Variants in PCDH15 observed in about 807,000 individuals in gnomAD.
The protein encoded by PCDH15 is protocadherin-15.
In PCDH15, 129 loss-of-function variants were observed where a neutral mutation model predicts 178.5. The ratio of observed to expected loss-of-function variants is 0.72; its 90% CI spans 0.63 to 0.84. The LOEUF (loss-of-function observed/expected upper bound fraction) is 0.84, where lower values mean the gene tolerates loss of function less well. PCDH15 is among the 40% of genes least tolerant of loss of function. The probability of loss-of-function intolerance (pLI) is 0.00; values close to 1 mark genes in which losing one functional copy is unlikely to be tolerated. For synonymous variants in PCDH15, 800 were observed against 732.0 expected (o/e 1.09, Z -1.50); for missense variants, 2,230 against 2,099.9 (o/e 1.06, Z -1.21).
chr10:55,368,339 C>T (rs1845416687), intron 2 of PCDH15, among the ~76,000 whole-genome samples: 1 of 152,092 alleles, frequency 6.6e-6, no homozygotes, highest in Non-Finnish European at 1.5e-5. Flanking sequence ...AATGCATACA[C>T]TACAAATATA....
intron 2 of PCDH15, among the ~76,000 whole-genome samples, chr10:55,119,917 T>A (rs1022231276): frequency 6.6e-6 from 1 of 152,134 alleles, no homozygotes; most frequent in Non-Finnish European, 1.5e-5. Flanking sequence ...AGAATTTGGA[T>A]TATTTTTAAA....
intron 18 of PCDH15, among the ~76,000 whole-genome samples, chr10:54,062,254 A>AAAAAAAAAAAAAAAAAAAAAT (rs2094042183): frequency 9.5e-6 from 1 of 105,348 alleles, no homozygotes; most frequent in African/African-American, 3.4e-5. Flanking sequence ...AAAAAAAAAC[A>AAAAAAAAAAAAAAAAAAAAAT]AAAAACAACT....
At chr10:54,369,471 C>T (rs1387847260) in intron 4 of PCDH15, among the ~76,000 whole-genome samples, 196 bp from the exon 5 acceptor site, 1 of 151,818 alleles carries the variant, frequency 6.6e-6, no homozygotes, top group Non-Finnish European at 1.5e-5. Flanking sequence ...TGTATCTCAG[C>T]GTGTGGAATT....
intron 20 of PCDH15, among the ~76,000 whole-genome samples, chr10:54,015,536 C>T (rs1450563956): frequency 6.6e-6 from 1 of 152,116 alleles, no homozygotes; most frequent in Non-Finnish European, 1.5e-5. Context: ...CGGCATTGTC[C>T]TGGTACAAAA....
chr10:55,335,724 A>AT lies in PCDH15; in HGVS notation c.-155-169074dup, dbSNP rs557282297. On this transcript the variant is annotated intron_variant, in intron 2 of 5. Transcript: ENST00000613346. ...TTACCAAAGGAAATTATAAACTATG[A>AT]TTTTTTTTAATCTAAATCTAAAAAC... Among the ~76,000 whole-genome samples, 859 of 152,172 alleles carry AT rather than the reference A, an allele frequency of 5.6e-3. 10 individuals are homozygous for AT. The highest frequency in any genetic ancestry group is 0.02 in the African/African-American group (812 of 41,522).
chr10:54,873,487 A>T lies in PCDH15; in HGVS notation c.-29+23963T>A, dbSNP rs542435667. 1.3e-4 allele frequency among the ~76,000 whole-genome samples: 20 copies of T among 148,326 alleles called. No individual in the cohort carries two copies. The South Asian group carries it at 4.2e-3, about 31-fold the overall frequency. Reference sequence around the variant, plus strand: ...AACTGCTGTATTTTATATATATATAATATATATACGTGTATGTATATATAT... The same window carrying T: ...AACTGCTGTATTTTATATATATATATTATATATACGTGTATGTATATATAT... On this transcript the variant is annotated intron_variant, in intron 3 of 5. Coordinates refer to the PCDH15 transcript ENST00000458638.
intron 4 of PCDH15, among the ~76,000 whole-genome samples, chr10:54,376,781 G>A (rs375220976): frequency 2.6e-5 from 4 of 151,664 alleles, no homozygotes; most frequent in Non-Finnish European, 5.9e-5. Flanking sequence ...ACAATATATC[G>A]AGAGGACCAT....
intron 2 of PCDH15, among the ~76,000 whole-genome samples, chr10:55,130,924 T>C (rs1227648831): frequency 6.6e-6 from 1 of 152,118 alleles, no homozygotes; most frequent in African/African-American, 2.4e-5. Context: ...AAATATTTTA[T>C]ATGGATCAGT....
intron 2 of PCDH15, among the ~76,000 whole-genome samples, chr10:55,128,207 A>G (rs988151596): frequency 4.6e-5 from 7 of 151,960 alleles, no homozygotes; most frequent in Non-Finnish European, 1.0e-4. Flanking sequence ...CCCACCTTAT[A>G]TACTCAGACT....
At chr10:53,852,238 C>T (rs1221367595) in intron 28 of PCDH15, among the ~76,000 whole-genome samples, 1 of 151,906 alleles carries the variant, frequency 6.6e-6, no homozygotes, top group Admixed American at 6.6e-5. Context: ...AGTTACGTGT[C>T]CCTACTGTTA....
At chr10:54,207,376 GTA>G (rs1471741336) in intron 10 of PCDH15, among the ~76,000 whole-genome samples, 1,621 of 9,832 alleles carry the variant, frequency 0.16, 19 homozygotes, top group South Asian at 0.34. Context: ...GTGTGTGTGT[GTA>G]TGTGTGTGTG....
At chr10:55,219,770 G>T (rs1840816651) in intron 1 of PCDH15, among the ~76,000 whole-genome samples, 1 of 151,458 alleles carries the variant, frequency 6.6e-6, no homozygotes, top group South Asian at 2.1e-4. Flanking sequence ...TAATGTAATT[G>T]TTTAATGAGT....
At position 55,297,300 on chromosome 10, in the gene PCDH15, C is replaced by T. The variant is rs188543549; in HGVS notation, c.-156+22299G>A. On this transcript the variant is annotated intron_variant, in intron 1 of 5. Transcript: ENST00000458638. The stretch of plus-strand genomic sequence containing the variant: ...TAATTCCATGGTTATAAACATTACT[C>T]AAATTCCAAATCTTTACCTGATGAT... Among the ~76,000 whole-genome samples, 469 of 152,168 alleles carry T rather than the reference C, an allele frequency of 3.1e-3. 1 individual carries two copies. Among genetic ancestry groups the T allele is most frequent in the Non-Finnish European group, 5.0e-3 (338 of 67,982 alleles).
chr10:55,299,798 G>C (rs1843225430), intron 1 of PCDH15, among the ~76,000 whole-genome samples: 1 of 152,040 alleles, frequency 6.6e-6, no homozygotes, highest in African/African-American at 2.4e-5. Context: ...AATGGCAACA[G>C]GCAAGAAAGT....
chr10:55,525,898 C>T (rs912770242), intron 2 of PCDH15, among the ~76,000 whole-genome samples: 3 of 151,924 alleles, frequency 2.0e-5, no homozygotes, highest in Non-Finnish European at 2.9e-5. Context: ...CTGAAACTGA[C>T]ACCTTTAGCA....
At chr10:54,468,231 T>G (rs985366077) in intron 3 of PCDH15, among the ~76,000 whole-genome samples, 5 of 151,974 alleles carry the variant, frequency 3.3e-5, no homozygotes, top group African/African-American at 7.2e-5. Context: ...CTTTTAAAAT[T>G]TATTGAGGTG....
rs1554853035 is a variant in PCDH15 at position 54,238,710 on chromosome 10, C to CACAA, written c.877-1780_877-1779insTTGT. On this transcript the variant is annotated intron_variant, in intron 8 of 37. Transcript: ENST00000644397. Reference sequence around the variant, plus strand: ...ACACACACACACACACACACACACACACACTTTCCCAATAATCAATTTGCT... The same window carrying CACAA: ...ACACACACACACACACACACACACACACAAACACTTTCCCAATAATCAATTTGCT... Among the ~76,000 whole-genome samples the CACAA allele has an allele frequency of 8.1e-3, 1,211 of 150,348 alleles. 18 individuals are homozygous for CACAA. The highest frequency in any genetic ancestry group is 0.026 in the African/African-American group (1,072 of 40,612).
intron 1 of PCDH15, among the ~76,000 whole-genome samples, chr10:54,696,896 TCCCCAAC>T (rs1253267661): frequency 2.0e-5 from 3 of 152,058 alleles, no homozygotes; most frequent in Admixed American, 1.3e-4. Context: ...TGTGTATTTT[TCCCCAAC>T]ATCTCCCCTG....
chr10:54,549,504 C>T (rs537815938), intron 2 of PCDH15, among the ~76,000 whole-genome samples: 8 of 151,646 alleles, frequency 5.3e-5, no homozygotes, highest in Non-Finnish European at 1.2e-4. Context: ...ATGTAGATGT[C>T]AGAGAATGTG....
Sources: allele counts gnomAD v4.1 joint callset (sites outside exome capture counted in the v4.1 genomes callset), GRCh38; gene constraint gnomAD v4.1.1; transcripts MANE v1.5; gene names NCBI Gene and HGNC (gene_info 2026-07-23, HGNC 2026-07-21).